DENND5A: variants seen among roughly 807,000 people sequenced by gnomAD.
DENND5A encodes the protein DENN domain-containing protein 5A.
Under a neutral mutation model 140.3 loss-of-function variants are expected in DENND5A, and 64 were observed. That is an observed-to-expected ratio of 0.46 (90% CI 0.37 to 0.56). The LOEUF (loss-of-function observed/expected upper bound fraction) is 0.56, where lower values mean the gene tolerates loss of function less well. Among genes scored for constraint, DENND5A ranks in the 20% least tolerant of loss-of-function variants. The pLI is 0.00. For synonymous variants in DENND5A, 605 were observed against 607.7 expected, an observed-to-expected ratio of 1.00 and a Z score of 0.07; for missense variants, 1,292 against 1,593.8, an observed-to-expected ratio of 0.81 and a Z score of 3.22.
rs865969127 is a variant in DENND5A at position 9,265,124 on chromosome 11, C to G, written c.-55G>C. The G allele has an allele frequency of 9.3e-7, 1 of 1,077,592 alleles. No homozygotes were observed. Among genetic ancestry groups the G allele is most frequent in the Non-Finnish European group, 1.1e-6 (1 of 870,744 alleles). The allele number at this position is 1,077,592 out of a possible 1,614,324, so 66.8% of individuals were successfully genotyped here. ...GCGGAGCGGCACCGAGCCCCCGCAA[C>G]CCGGGCGCCCGCCCGTCCGCCCTCA... On this transcript the variant is annotated 5_prime_UTR_variant, in exon 1 of 23. Coordinates refer to ENST00000328194, the MANE Select transcript of DENND5A (RefSeq NM_015213.4). The surrounding 1 kb of genome is among the most constrained non-coding windows in gnomAD (Gnocchi z 4.7).
intron 1 of DENND5A, among the ~76,000 whole-genome samples, chr11:9,244,560 G>A (rs1371588514): frequency 6.6e-6 from 1 of 152,066 alleles, no homozygotes; most frequent in Non-Finnish European, 1.5e-5. Context: ...GTAGAGACCG[G>A]GTTTCTCCCT....
At chr11:9,191,105 G>C (rs1345156401) in intron 5 of DENND5A, among the ~76,000 whole-genome samples, 1 of 152,150 alleles carries the variant, frequency 6.6e-6, no homozygotes, top group Non-Finnish European at 1.5e-5. Flanking sequence ...TTCCCAAGCA[G>C]ACTACAGGGG....
chr11:9,200,926 T>C (rs1361138699), intron 4 of DENND5A, among the ~76,000 whole-genome samples: 3 of 152,232 alleles, frequency 2.0e-5, no homozygotes, highest in African/African-American at 7.2e-5. Flanking sequence ...ACAGTTTTAG[T>C]GCTTGGAATC....
intron 5 of DENND5A, among the ~76,000 whole-genome samples, chr11:9,183,988 T>C (rs752335853): frequency 6.7e-6 from 1 of 150,038 alleles, no homozygotes; most frequent in Admixed American, 6.6e-5. Flanking sequence ...GAGGCAGAGG[T>C]TGCAGGGAGC....
At chr11:9,246,996 C>T (rs182038388) in intron 1 of DENND5A, among the ~76,000 whole-genome samples, 29 of 152,220 alleles carry the variant, frequency 1.9e-4, no homozygotes, top group Admixed American at 7.9e-4. Context: ...TCTGGGAGGC[C>T]GAGGTGGGCA....
intron 3 of DENND5A, among the ~76,000 whole-genome samples, chr11:9,205,511 T>C (rs1458416455): frequency 6.6e-6 from 1 of 152,134 alleles, no homozygotes; most frequent in Non-Finnish European, 1.5e-5. Context: ...ATCTGTGAAA[T>C]AATAATATAG....
Position 9,219,063 on chromosome 11 carries a change from T to A in DENND5A, c.110-11431A>T, listed in dbSNP as rs891653148. On this transcript the variant is annotated intron_variant, in intron 1 of 22. Transcript: ENST00000328194. Reference sequence around the variant, plus strand: ...ATTTATTTATTTATTTAAGAAATAATAAAATTAGAGTCCATCCAAGAGGTC... The same window carrying A: ...ATTTATTTATTTATTTAAGAAATAAAAAAATTAGAGTCCATCCAAGAGGTC... Among the ~76,000 whole-genome samples, 3 of 151,488 alleles carry A rather than the reference T, an allele frequency of 2.0e-5. No homozygotes were observed. In the East Asian group the frequency reaches 5.8e-4, roughly 29 times the overall value.
Position 9,210,288 on chromosome 11 carries a change from C to T in DENND5A, c.110-2656G>A, listed in dbSNP as rs942445196. On this transcript the variant is annotated intron_variant, in intron 1 of 22. Coordinates refer to ENST00000328194, the MANE Select transcript of DENND5A (RefSeq NM_015213.4). Reference sequence around the variant, plus strand: ...GACTGTCCTATTGTCCTAGAAACAACGACTAATTATTTGTTCAACACATAT... The same window carrying T: ...GACTGTCCTATTGTCCTAGAAACAATGACTAATTATTTGTTCAACACATAT... Among the ~76,000 whole-genome samples the T allele has an allele frequency of 9.2e-5, 14 of 152,130 alleles. 1 individual carries two copies. Among genetic ancestry groups the T allele is most frequent in the Non-Finnish European group, 1.5e-4 (10 of 68,024 alleles).
intron 1 of DENND5A, among the ~76,000 whole-genome samples, chr11:9,262,899 G>A (rs1311372302): frequency 2.0e-5 from 3 of 152,050 alleles, no homozygotes; most frequent in African/African-American, 4.8e-5. Flanking sequence ...CCGCCACCAC[G>A]CCCGGCTAAT....
At chr11:9,221,744 T>TTTGTTG (rs71062815) in intron 1 of DENND5A, among the ~76,000 whole-genome samples, 2 of 151,298 alleles carry the variant, frequency 1.3e-5, no homozygotes, top group Middle Eastern at 3.2e-3. Context: ...AATTGAGAAT[T>TTTGTTG]TTGTTGTTGT....
chr11:9,160,358 T>C (rs1273443773), intron 12 of DENND5A, among the ~76,000 whole-genome samples: 5 of 152,232 alleles, frequency 3.3e-5, no homozygotes, highest in Admixed American at 2.6e-4. Flanking sequence ...ATATGATTAG[T>C]GAAGAACCTT....
chr11:9,168,180 T>C (rs1483744971), intron 10 of DENND5A, among the ~76,000 whole-genome samples: 1 of 151,776 alleles, frequency 6.6e-6, no homozygotes, highest in Non-Finnish European at 1.5e-5. Flanking sequence ...TCATCTTGAA[T>C]TGTAGCTCCT....
chr11:9,254,603 C>T (rs1015127829), intron 1 of DENND5A, among the ~76,000 whole-genome samples: 1 of 152,118 alleles, frequency 6.6e-6, no homozygotes, highest in South Asian at 2.1e-4. Context: ...AGCAAAGATG[C>T]CTTTTTAAAT....
chr11:9,162,944 T>C (rs1360120871), intron 11 of DENND5A, among the ~76,000 whole-genome samples: 1 of 149,932 alleles, frequency 6.7e-6, no homozygotes, highest in Admixed American at 6.7e-5. Flanking sequence ...GCTCAAGCAA[T>C]CCCCCCACCT....
At chr11:9,240,566 C>T (rs1851193613) in intron 1 of DENND5A, among the ~76,000 whole-genome samples, 1 of 151,912 alleles carries the variant, frequency 6.6e-6, no homozygotes, top group South Asian at 2.1e-4. Context: ...AAAAAATATA[C>T]AGGATTGGTG....
intron 5 of DENND5A, among the ~76,000 whole-genome samples, chr11:9,188,043 G>A (rs73402344): frequency 0.022 from 3,346 of 152,204 alleles, 113 homozygotes; most frequent in African/African-American, 0.073. Flanking sequence ...CAGCCCTGCC[G>A]GATATGGTTT....
intron 1 of DENND5A, among the ~76,000 whole-genome samples, chr11:9,214,224 A>G (rs1404029283): frequency 6.6e-6 from 1 of 152,176 alleles, no homozygotes; most frequent in East Asian, 1.9e-4. Context: ...GCATGTTGAG[A>G]GCCAGGTTGT....
intron 4 of DENND5A, among the ~76,000 whole-genome samples, chr11:9,198,974 T>TGGTG (rs1849430781): frequency 8.8e-6 from 1 of 113,990 alleles, no homozygotes; most frequent in Non-Finnish European, 1.9e-5. Flanking sequence ...GGAGACTCAC[T>TGGTG]TGATCCCAGG....
intron 4 of DENND5A, among the ~76,000 whole-genome samples, chr11:9,194,865 GC>G (rs1849264396): frequency 1.4e-5 from 2 of 146,298 alleles, no homozygotes; most frequent in African/African-American, 2.5e-5. Context: ...GATTACAGGT[GC>G]CCACCACCGC....
Sources: gnomAD v4.1 joint callset for allele counts (sites outside exome capture counted in the v4.1 genomes callset) on GRCh38, gnomAD v4.1.1 for gene constraint, Gnocchi (gnomAD v3.1) non-coding constraint, MANE v1.5 for transcripts, NCBI Gene and HGNC (gene_info 2026-07-23, HGNC 2026-07-21) for gene names.